Variants in PDGFRL observed in about 807,000 individuals in gnomAD.
PDGFRL encodes the protein platelet derived growth factor receptor like.
A neutral mutation model predicts 37.2 loss-of-function variants in PDGFRL; 46 were observed. That is an observed-to-expected ratio of 1.24 (90% CI 0.98 to 1.58). The LOEUF (loss-of-function observed/expected upper bound fraction) is 1.58. Among genes scored for constraint, PDGFRL ranks in the 40% most tolerant of loss-of-function variants. The pLI is 0.00. For synonymous variants in PDGFRL, 251 were observed against 184.3 expected, an observed-to-expected ratio of 1.36 and a Z score of -2.93; for missense variants, 692 against 467.6, an observed-to-expected ratio of 1.48 and a Z score of -4.43.
chr8:17,601,100 G>A (rs1001126302), intron 2 of PDGFRL, among the ~76,000 whole-genome samples: 3 of 152,168 alleles, frequency 2.0e-5, no homozygotes, highest in Admixed American at 6.5e-5. Flanking sequence ...AGAGGCCCGG[G>A]AATCACTTGA....
At chr8:17,592,314 C>T (rs1803956627) in intron 2 of PDGFRL, among the ~76,000 whole-genome samples, 1 of 152,214 alleles carries the variant, frequency 6.6e-6, no homozygotes, top group South Asian at 2.1e-4. Flanking sequence ...TGTCCATTTG[C>T]ATTCCTGGAG....
chr8:17,605,526 G>A (rs559013878), intron 2 of PDGFRL, among the ~76,000 whole-genome samples: 2 of 152,178 alleles, frequency 1.3e-5, no homozygotes, highest in East Asian at 3.9e-4. Context: ...CTTCCAGGGT[G>A]TAAAGCCAGA....
At chr8:17,635,625 C>T (rs1399834437) in intron 5 of PDGFRL, among the ~76,000 whole-genome samples, 1 of 152,062 alleles carries the variant, frequency 6.6e-6, no homozygotes, top group Non-Finnish European at 1.5e-5. Context: ...ACTTCTTTTC[C>T]TCTGGGTAGA....
chr8:17,584,762 C>T (rs999007583), intron 1 of PDGFRL, among the ~76,000 whole-genome samples: 2 of 150,704 alleles, frequency 1.3e-5, no homozygotes, highest in African/African-American at 2.5e-5. Flanking sequence ...GTAGTGTTAC[C>T]GGAAAGGGGT....
At chr8:17,591,485 G>A (rs1160112405) in intron 2 of PDGFRL, among the ~76,000 whole-genome samples, 1 of 152,186 alleles carries the variant, frequency 6.6e-6, no homozygotes, top group Non-Finnish European at 1.5e-5. Flanking sequence ...TTCCTTATGT[G>A]TAGAATGAAG....
intron 2 of PDGFRL, among the ~76,000 whole-genome samples, chr8:17,615,755 A>G (rs1321035140): frequency 2.0e-5 from 3 of 152,186 alleles, no homozygotes; most frequent in African/African-American, 7.2e-5. Flanking sequence ...TCTCTACAAA[A>G]AAATGTAAAA....
At chr8:17,621,579 A>C (rs1354483662) in intron 3 of PDGFRL, among the ~76,000 whole-genome samples, 1 of 152,182 alleles carries the variant, frequency 6.6e-6, no homozygotes, top group Non-Finnish European at 1.5e-5. Flanking sequence ...TACTTAAATG[A>C]AAATTAAAAT....
chr8:17,622,022 C>A (rs1282922506), intron 3 of PDGFRL, among the ~76,000 whole-genome samples: 1 of 152,082 alleles, frequency 6.6e-6, no homozygotes, highest in African/African-American at 2.4e-5. Flanking sequence ...GGCAAGATTC[C>A]CAAAGATTGT....
At chr8:17,588,273 A>G (rs1315949315) in intron 1 of PDGFRL, among the ~76,000 whole-genome samples, 1 of 152,172 alleles carries the variant, frequency 6.6e-6, no homozygotes, top group East Asian at 1.9e-4. Flanking sequence ...ATTAGTATAC[A>G]CATAATATTT....
intron 2 of PDGFRL, among the ~76,000 whole-genome samples, chr8:17,590,905 CG>C (rs1803924160): frequency 3.7e-5 from 1 of 27,072 alleles, no homozygotes; most frequent in African/African-American, 7.5e-5. Flanking sequence ...TTTTTTGAGA[CG>C]GAGTCTCGCT....
chr8:17,612,805 T>C (rs1032286042), intron 2 of PDGFRL, among the ~76,000 whole-genome samples: 3 of 152,232 alleles, frequency 2.0e-5, no homozygotes, highest in African/African-American at 7.2e-5. Flanking sequence ...TTGAATCTTC[T>C]AGTTTTGTAT....
Position 17,577,257 on chromosome 8 carries a change from A to T in PDGFRL, c.5A>T (p.Lys2Met). Reference sequence around the variant, plus strand: ...CCGAGGTCCGAGGTTCCCGAGATGAAGGTCTGGCTGCTGCTTGGTCTTCTG... The same window carrying T: ...CCGAGGTCCGAGGTTCCCGAGATGATGGTCTGGCTGCTGCTTGGTCTTCTG... M[K>M]VWLLLGLLLV... The change falls in exon 1 of 6, where the codon AAG becomes ATG. Residue 2 changes from lysine (K) to methionine (M), a missense_variant. Lys to Met is a moderately conservative substitution (Grantham distance 95). Transcript: ENST00000251630. The T allele has an allele frequency of 6.2e-7, 1 of 1,612,466 alleles. No individual in the cohort carries two copies. Among genetic ancestry groups the T allele is most frequent in the Non-Finnish European group, 8.5e-7 (1 of 1,179,506 alleles).
intron 2 of PDGFRL, among the ~76,000 whole-genome samples, chr8:17,606,520 A>G (rs1251757130): frequency 1.3e-5 from 2 of 152,144 alleles, no homozygotes; most frequent in Non-Finnish European, 2.9e-5. Context: ...CAAATAGGTG[A>G]CCTAACCAAT....
chr8:17,581,845 A>G (rs1421929797), intron 1 of PDGFRL, among the ~76,000 whole-genome samples: 1 of 152,126 alleles, frequency 6.6e-6, no homozygotes, highest in Non-Finnish European at 1.5e-5. Context: ...AGCCCTACGT[A>G]TTCCTCTATA....
At chr8:17,589,794 G>T (rs1433021054) in intron 2 of PDGFRL, 29 bp downstream of exon 2, 1 of 1,392,530 alleles carries the variant, frequency 7.2e-7, no homozygotes, top group Non-Finnish European at 9.9e-7. Flanking sequence ...AACTGTGTAG[G>T]GTTGAGGATT....
At position 17,621,166 on chromosome 8, in the gene PDGFRL, G is replaced by A. The variant is rs993198756; in HGVS notation, c.469G>A (p.Glu157Lys). Residue 157 changes from glutamate (E) to lysine (K), a missense_variant, in exon 3 of 6, where the codon GAG (glutamate) becomes AAG (lysine). Transcript: ENST00000251630. ...CAGCGGCTACATCTGCAGGAAGGAC[G>A]AGGCCAAAACGGGCTCCACCTACAT... ...LCSGYICRKD[E>K]AKTGSTYIFF... The A allele has an allele frequency of 1.2e-5, 19 of 1,610,912 alleles. No individual in the cohort carries two copies. Among genetic ancestry groups the A allele is most frequent in the Middle Eastern group, 1.7e-4 (1 of 6,060 alleles).
At chr8:17,641,853 G>A (rs892746805) in intron 5 of PDGFRL, among the ~76,000 whole-genome samples, 8 of 145,972 alleles carry the variant, frequency 5.5e-5, no homozygotes, top group African/African-American at 1.8e-4. Flanking sequence ...ATTATCAAAC[G>A]TGTTGGTCAT....
At chr8:17,595,555 C>G (rs1168305936) in intron 2 of PDGFRL, among the ~76,000 whole-genome samples, 6 of 152,182 alleles carry the variant, frequency 3.9e-5, no homozygotes, top group Non-Finnish European at 5.9e-5. Flanking sequence ...TGGGCAGAAC[C>G]TGGACCTAAA....
chr8:17,624,684 G>A (rs957736046), intron 3 of PDGFRL, among the ~76,000 whole-genome samples: 3 of 152,152 alleles, frequency 2.0e-5, no homozygotes, highest in Admixed American at 6.5e-5. Context: ...CGAGGCAGGC[G>A]GATCACTTGA....
Sources: allele counts gnomAD v4.1 joint callset (sites outside exome capture counted in the v4.1 genomes callset), GRCh38; gene constraint gnomAD v4.1.1; transcripts MANE v1.5; gene names NCBI Gene and HGNC (gene_info 2026-07-23, HGNC 2026-07-21).